KDM4B: variants seen among roughly 807,000 people sequenced by gnomAD.
KDM4B encodes the protein lysine demethylase 4B.
KDM4B carries 32 observed loss-of-function variants against 125.2 expected under a neutral mutation model. That is an observed-to-expected ratio of 0.26 (90% confidence interval 0.19 to 0.34). KDM4B has a LOEUF of 0.34. Among genes scored for constraint, KDM4B ranks in the 10% least tolerant of loss-of-function variants. The pLI, the probability that KDM4B is intolerant of heterozygous loss-of-function variation, is 1.00. For synonymous variants in KDM4B, 721 were observed against 677.9 expected, an observed-to-expected ratio of 1.06 and a Z score of -0.99; for missense variants, 1,190 against 1,577.7, an observed-to-expected ratio of 0.75 and a Z score of 4.16.
At chr19:5,126,476 TG>T (rs2039451411) in intron 11 of KDM4B, among the ~76,000 whole-genome samples, 1 of 152,220 alleles carries the variant, frequency 6.6e-6, no homozygotes, top group African/African-American at 2.4e-5. Context: ...AGAGCCAGGA[TG>T]GGGACCCAGG....
intron 1 of KDM4B, among the ~76,000 whole-genome samples, chr19:5,012,751 C>T (rs1317523469): frequency 6.6e-6 from 1 of 152,230 alleles, no homozygotes; most frequent in Non-Finnish European, 1.5e-5. Context: ...GGACGTGGGC[C>T]ATCAGCAGGA....
At chr19:5,029,203 G>A (rs1001271481) in intron 2 of KDM4B, among the ~76,000 whole-genome samples, 3 of 152,194 alleles carry the variant, frequency 2.0e-5, no homozygotes, top group Non-Finnish European at 2.9e-5. Context: ...GAGCCACCGC[G>A]CCCACCAGCC....
chr19:5,131,037 C>T (rs374351829), intron 11 of KDM4B, 39 bp from the exon 12 acceptor site: 418 of 1,424,172 alleles, frequency 2.9e-4, no homozygotes, highest in Non-Finnish European at 3.7e-4. Context: ...CACTTGAGCC[C>T]GGGTTCTCCT....
At chr19:5,021,037 C>T (rs996222952) in intron 2 of KDM4B, among the ~76,000 whole-genome samples, 5 of 151,730 alleles carry the variant, frequency 3.3e-5, no homozygotes, top group Non-Finnish European at 7.4e-5. Flanking sequence ...ATCCCAGCTA[C>T]TCGGGGGCTG....
intron 21 of KDM4B, among the ~76,000 whole-genome samples, chr19:5,149,620 A>G (rs867791974): frequency 2.0e-5 from 3 of 152,186 alleles, no homozygotes; most frequent in Non-Finnish European, 4.4e-5. Flanking sequence ...GTGGGCCTGG[A>G]GACACGCCCC....
intron 1 of KDM4B, among the ~76,000 whole-genome samples, chr19:4,979,834 G>A (rs556326038): frequency 1.3e-5 from 2 of 152,306 alleles, no homozygotes; most frequent in South Asian, 2.1e-4. Flanking sequence ...TGGGCACAGC[G>A]GCTCATGCCT....
rs59794955 is a variant in KDM4B at position 5,131,311 on chromosome 19, G to A, written c.1551G>A (p.Glu517=). The A allele has an allele frequency of 5.4e-4, 866 of 1,612,304 alleles. 5 individuals are homozygous for A. The African/African-American group carries it at 9.3e-3, about 17-fold the overall frequency. ...NVVPPEVPSE[E]LEAKPRPIIP... ...TGCCCCCTGAGGTGCCCAGTGAGGA[G>A]CTAGAGGCCAAGCCTCGGCCCATCA... Residue 517 remains glutamate, a synonymous_variant, in exon 12 of 23, where the codon GAG becomes GAA. Transcript: ENST00000159111.
intron 1 of KDM4B, among the ~76,000 whole-genome samples, chr19:4,984,920 A>G (rs180839278): frequency 2.6e-5 from 4 of 152,244 alleles, no homozygotes; most frequent in Admixed American, 1.3e-4. Flanking sequence ...CCTTTAGCCA[A>G]AGGGAGGGCT....
At chr19:5,085,106 T>TA (rs1421708977) in intron 9 of KDM4B, among the ~76,000 whole-genome samples, 1 of 152,356 alleles carries the variant, frequency 6.6e-6, no homozygotes, top group East Asian at 1.9e-4. Context: ...ACGAATGAGC[T>TA]AACCTTTATT....
chr19:5,057,065 T>TGTGTGTGTGTGTGTGTGTGTGTGTGTGC, intron 6 of KDM4B, among the ~76,000 whole-genome samples: 1 of 128,400 alleles, frequency 7.8e-6, no homozygotes, highest in African/African-American at 3.2e-5. Flanking sequence ...TGTGTGTGTG[T>TGTGTGTGTGTGTGTGTGTGTGTGTGTGC]GCGCGCGCGC....
chr19:5,016,938 C>T (rs775878362), intron 2 of KDM4B, among the ~76,000 whole-genome samples: 35 of 152,254 alleles, frequency 2.3e-4, no homozygotes, highest in Non-Finnish European at 5.0e-4. Context: ...CTTCTGGCCA[C>T]ACCCACAGGG....
chr19:5,082,335 C>T lies in KDM4B; in HGVS notation c.781-32C>T. 1 of 1,612,542 alleles carries T rather than the reference C, an allele frequency of 6.2e-7. No individual in the cohort carries two copies. Among genetic ancestry groups the T allele is most frequent in the Middle Eastern group, 1.7e-4 (1 of 6,058 alleles). ...CATCCCCTGGTGCGCCTCTGGTGGC[C>T]CTGCCCTCACCTGTCTCCTTTCCCT... is the stretch of plus-strand genomic sequence containing the variant. On this transcript the variant is annotated intron_variant, in intron 8 of 22. Coordinates refer to ENST00000159111, the MANE Select transcript of KDM4B (RefSeq NM_015015.3). The surrounding 1 kb of genome is among the most constrained non-coding windows in gnomAD (Gnocchi z 5.4).
intron 9 of KDM4B, among the ~76,000 whole-genome samples, chr19:5,092,086 G>A (rs979846773): frequency 6.6e-6 from 1 of 152,204 alleles, no homozygotes; most frequent in African/African-American, 2.4e-5. Flanking sequence ...ATCCCGGGCC[G>A]GGCCAGAATG....
At chr19:5,128,866 G>T (rs1477185461) in intron 11 of KDM4B, among the ~76,000 whole-genome samples, 1 of 149,750 alleles carries the variant, frequency 6.7e-6, no homozygotes, top group Non-Finnish European at 1.5e-5. Context: ...GGGGCGGGGG[G>T]GGGGGTCATA....
chr19:5,042,691 C>G (rs1028492201), intron 5 of KDM4B, among the ~76,000 whole-genome samples: 1 of 149,662 alleles, frequency 6.7e-6, no homozygotes, highest in Non-Finnish European at 1.5e-5. Flanking sequence ...AGGGGGGGGG[C>G]GCCGTAGGCT....
At chr19:5,149,486 A>G (rs1041921726) in intron 21 of KDM4B, among the ~76,000 whole-genome samples, 4 of 152,168 alleles carry the variant, frequency 2.6e-5, no homozygotes, top group Non-Finnish European at 5.9e-5. Flanking sequence ...GAGTTTTTAA[A>G]TGTGAAAAGC....
Position 5,033,016 on chromosome 19 carries a change from G to C in KDM4B, c.126G>C (p.Arg42=). The change falls in exon 3 of 23, where the codon CGG becomes CGC. Residue 42 remains arginine (R), a synonymous_variant. Transcript: ENST00000159111. The part of the protein sequence containing the change: ...VAYIESQGAH[R]AGLAKIIPPK... ...ACATAGAGTCGCAGGGAGCCCACCGGGCGGGCCTGGCCAAGGTGGGTGACA... is the reference window on the plus strand; with the variant it reads ...ACATAGAGTCGCAGGGAGCCCACCGCGCGGGCCTGGCCAAGGTGGGTGACA... 2 of 1,613,684 alleles carry C rather than the reference G, an allele frequency of 1.2e-6. No individual in the cohort carries two copies. The highest frequency in any genetic ancestry group is 3.3e-5 in the Admixed American group (2 of 60,020).
At chr19:5,148,338 G>A (rs2146117055) in intron 21 of KDM4B, among the ~76,000 whole-genome samples, 1 of 152,340 alleles carries the variant, frequency 6.6e-6, no homozygotes, top group East Asian at 1.9e-4. Context: ...AAATGACCCA[G>A]GCACAGAAGT....
chr19:5,060,352 T>C (rs771584429), intron 6 of KDM4B, among the ~76,000 whole-genome samples: 1 of 140,018 alleles, frequency 7.1e-6, no homozygotes, highest in Non-Finnish European at 1.5e-5. Flanking sequence ...GACAGGAGAA[T>C]GGCGTGAACC....
Sources: gnomAD v4.1 joint callset for allele counts (sites outside exome capture counted in the v4.1 genomes callset) on GRCh38, gnomAD v4.1.1 for gene constraint, Gnocchi (gnomAD v3.1) non-coding constraint, MANE v1.5 for transcripts, NCBI Gene and HGNC (gene_info 2026-07-23, HGNC 2026-07-21) for gene names.